The following PGM2L1 variants were observed in gnomAD, a reference collection of about 807,000 sequenced individuals.
PGM2L1 encodes the protein glucose 1,6-bisphosphate synthase.
In PGM2L1, 35 loss-of-function variants were observed where a neutral mutation model predicts 73.4. The ratio of observed to expected loss-of-function variants is 0.48; its 90% CI spans 0.36 to 0.63. The LOEUF is 0.63. Among genes scored for constraint, PGM2L1 ranks in the 30% least tolerant of loss-of-function variants. The probability of loss-of-function intolerance (pLI) is 0.00; values close to 1 mark genes in which losing one functional copy is unlikely to be tolerated. For synonymous variants in PGM2L1, 225 were observed against 253.8 expected (o/e 0.89, Z 1.08); for missense variants, 570 against 742.0 (o/e 0.77, Z 2.69).
chr11:74,347,378 T>C, intron 6 of PGM2L1, 41 bp from the exon 7 acceptor site: 1 of 1,427,006 alleles, frequency 7.0e-7, no homozygotes, highest in Non-Finnish European at 9.4e-7. Flanking sequence ...TTACAAAACC[T>C]CTTACCTTTG....
intron 1 of PGM2L1, among the ~76,000 whole-genome samples, chr11:74,378,161 G>C (rs896140847): frequency 1.3e-5 from 2 of 152,066 alleles, no homozygotes; most frequent in African/African-American, 4.8e-5. Context: ...AATTAGCTGG[G>C]CATGGTAGCA....
chr11:74,396,485 G>A (rs1173113877), intron 1 of PGM2L1, among the ~76,000 whole-genome samples: 1 of 151,262 alleles, frequency 6.6e-6, no homozygotes, highest in African/African-American at 2.4e-5. Context: ...CGCGATCTCC[G>A]CTCACTGCAA....
At chr11:74,376,071 G>A (rs1862848605) in intron 1 of PGM2L1, among the ~76,000 whole-genome samples, 1 of 152,138 alleles carries the variant, frequency 6.6e-6, no homozygotes. Context: ...TTTTTACAGT[G>A]CTTTTACAGC....
At chr11:74,385,473 A>G (rs988347888) in intron 1 of PGM2L1, among the ~76,000 whole-genome samples, 1 of 152,110 alleles carries the variant, frequency 6.6e-6, no homozygotes, top group African/African-American at 2.4e-5. Context: ...TACCATTATC[A>G]TTATTTATTG....
At chr11:74,379,520 C>A (rs1463484934) in intron 1 of PGM2L1, among the ~76,000 whole-genome samples, 1 of 152,146 alleles carries the variant, frequency 6.6e-6, no homozygotes, top group African/African-American at 2.4e-5. Flanking sequence ...TTTGAATCTA[C>A]TCTATTAGTA....
chr11:74,371,847 C>A, intron 2 of PGM2L1, 30 bp from the exon 3 acceptor site: 1 of 1,495,710 alleles, frequency 6.7e-7, no homozygotes, highest in Non-Finnish European at 9.3e-7. Flanking sequence ...AAGATTAGTT[C>A]TAATGGATGC....
intron 1 of PGM2L1, among the ~76,000 whole-genome samples, chr11:74,395,650 G>A (rs142347812): frequency 0.054 from 7,403 of 136,386 alleles, 233 homozygotes; most frequent in Middle Eastern, 0.15. Context: ...CAGGTGATCT[G>A]CCCACCTTGG....
chr11:74,384,909 G>T (rs976729616), intron 1 of PGM2L1, among the ~76,000 whole-genome samples: 1 of 152,094 alleles, frequency 6.6e-6, no homozygotes, highest in Non-Finnish European at 1.5e-5. Flanking sequence ...CTTTTGTCCC[G>T]CTATACTAGC....
chr11:74,364,742 A>G (rs900305890), intron 5 of PGM2L1, among the ~76,000 whole-genome samples: 2 of 152,262 alleles, frequency 1.3e-5, no homozygotes, highest in Non-Finnish European at 2.9e-5. Context: ...AGAACATTCC[A>G]TGCTCATGGA....
rs114787402 is a variant in PGM2L1, at chr11:74,367,383, A to G, written c.555+1109T>C. On this transcript the variant is annotated intron_variant, in intron 5 of 13. Coordinates refer to ENST00000298198, the MANE Select transcript of PGM2L1 (RefSeq NM_173582.6). ...CTTTTATCTCTTTGGTTTTTATGACACCAATCTCGTTTAGTCTTTCAAAAG... is the reference window on the plus strand; with the variant it reads ...CTTTTATCTCTTTGGTTTTTATGACGCCAATCTCGTTTAGTCTTTCAAAAG... 1.3e-3 allele frequency among the ~76,000 whole-genome samples: 199 copies of G among 152,204 alleles called. 1 individual carries two copies. The highest frequency in any genetic ancestry group is 4.5e-3 in the African/African-American group (189 of 41,540).
At chr11:74,386,998 G>C (rs138146255) in intron 1 of PGM2L1, among the ~76,000 whole-genome samples, 72 of 152,246 alleles carry the variant, frequency 4.7e-4, no homozygotes, top group African/African-American at 1.6e-3. Flanking sequence ...TTAACGAAAT[G>C]GGAACTATCA....
At chr11:74,336,834 A>G in intron 13 of PGM2L1, 80 bp from the exon 14 acceptor site, 1 of 946,464 alleles carries the variant, frequency 1.1e-6, no homozygotes, top group Middle Eastern at 2.8e-4. Context: ...ATTTTTTAAG[A>G]GGTCCTGATG....
At chr11:74,378,540 T>C (rs1862891097) in intron 1 of PGM2L1, among the ~76,000 whole-genome samples, 1 of 152,194 alleles carries the variant, frequency 6.6e-6, no homozygotes, top group Admixed American at 6.5e-5. Context: ...AATTGTTTAG[T>C]ATGAAATCAG....
intron 5 of PGM2L1, 97 bp downstream of exon 5, chr11:74,368,395 G>T: frequency 9.6e-7 from 1 of 1,038,636 alleles, no homozygotes; most frequent in Non-Finnish European, 1.5e-6. Flanking sequence ...CCAATGTCTA[G>T]CTCTGCTCTC....
chr11:74,380,709 C>T (rs1252098155), intron 1 of PGM2L1, among the ~76,000 whole-genome samples: 1 of 152,128 alleles, frequency 6.6e-6, no homozygotes, highest in Non-Finnish European at 1.5e-5. Context: ...AAAGCACATA[C>T]ATTGAGCTCA....
chr11:74,339,835 C>G (rs561648874), intron 12 of PGM2L1, among the ~76,000 whole-genome samples: 1 of 152,154 alleles, frequency 6.6e-6, no homozygotes, highest in Non-Finnish European at 1.5e-5. Flanking sequence ...GTTCCCTTTG[C>G]CTGAAACACC....
At chr11:74,354,541 T>C in intron 5 of PGM2L1, 2 of 1,205,350 alleles carry the variant, frequency 1.7e-6, no homozygotes, top group East Asian at 4.7e-5. Context: ...TGAGGAGCCA[T>C]TTTGAGCAAT....
At chr11:74,347,376 C>A in intron 6 of PGM2L1, 39 bp from the exon 7 acceptor site, 1 of 1,440,504 alleles carries the variant, frequency 6.9e-7, no homozygotes, top group East Asian at 2.4e-5. Flanking sequence ...GATTACAAAA[C>A]CTCTTACCTT....
At chr11:74,396,868 T>C (rs960009696) in intron 1 of PGM2L1, among the ~76,000 whole-genome samples, 3 of 152,252 alleles carry the variant, frequency 2.0e-5, no homozygotes, top group African/African-American at 4.8e-5. Context: ...AATATACATA[T>C]GACCAATTAA....
Sources: allele counts gnomAD v4.1 joint callset (sites outside exome capture counted in the v4.1 genomes callset), GRCh38; gene constraint gnomAD v4.1.1; transcripts MANE v1.5; gene names NCBI Gene and HGNC (gene_info 2026-07-23, HGNC 2026-07-21).